STPG2: variants seen among roughly 807,000 people sequenced by gnomAD.
STPG2 encodes the protein sperm tail PG-rich repeat containing 2.
Under a neutral mutation model 54.2 loss-of-function variants are expected in STPG2, and 56 were observed. That is an observed-to-expected ratio of 1.03 (90% CI 0.83 to 1.29). STPG2 has a LOEUF of 1.29. STPG2 is among the 50% of genes most tolerant of loss of function. The pLI is 0.00. For missense variants in STPG2, 596 were observed against 544.9 expected (o/e 1.09, Z -0.93); for synonymous variants, 200 against 181.8 (o/e 1.10, Z -0.81).
At chr4:98,030,006 G>T (rs1190091477) in intron 5 of STPG2, among the ~76,000 whole-genome samples, 1 of 152,180 alleles carries the variant, frequency 6.6e-6, no homozygotes, top group African/African-American at 2.4e-5. Flanking sequence ...CCTTGGAGGG[G>T]ATATTTTGAC....
intron 6 of STPG2, among the ~76,000 whole-genome samples, chr4:97,975,981 G>A (rs894249864): frequency 3.3e-5 from 5 of 152,046 alleles, no homozygotes; most frequent in Non-Finnish European, 5.9e-5. Flanking sequence ...AGTGTCACTG[G>A]GTAGTACTAG....
chr4:97,652,178 A>T (rs2148954272), intron 10 of STPG2, among the ~76,000 whole-genome samples: 1 of 152,090 alleles, frequency 6.6e-6, no homozygotes, highest in South Asian at 2.1e-4. Context: ...GTTTATAAAA[A>T]ATATTTCTAT....
At chr4:97,892,615 C>T (rs900658899) in intron 8 of STPG2, among the ~76,000 whole-genome samples, 2 of 152,138 alleles carry the variant, frequency 1.3e-5, no homozygotes, top group Non-Finnish European at 2.9e-5. Context: ...CTTATAGTGA[C>T]CTTTTCCTCA....
intron 10 of STPG2, among the ~76,000 whole-genome samples, chr4:97,569,728 T>C (rs1578396579): frequency 6.6e-6 from 1 of 151,980 alleles, no homozygotes; most frequent in Non-Finnish European, 1.5e-5. Context: ...ATATTAAGGA[T>C]TGGAGTGGAT....
chr4:97,738,779 C>G (rs1210984511), intron 9 of STPG2, among the ~76,000 whole-genome samples: 1 of 152,100 alleles, frequency 6.6e-6, no homozygotes, highest in South Asian at 2.1e-4. Flanking sequence ...TTTAACACCC[C>G]ACTGTCAACA....
intron 8 of STPG2, among the ~76,000 whole-genome samples, chr4:97,904,904 AG>A (rs1731342899): frequency 6.6e-6 from 1 of 152,204 alleles, no homozygotes; most frequent in Admixed American, 6.5e-5. Context: ...GGAACTTTAG[AG>A]AAAAAGAATA....
intron 5 of STPG2, among the ~76,000 whole-genome samples, chr4:98,031,633 C>T (rs1354552202): frequency 1.3e-5 from 2 of 151,692 alleles, no homozygotes; most frequent in Admixed American, 6.6e-5. Context: ...TGCAGTGAGC[C>T]GAGATCATGC....
chr4:98,023,601 CTTTT>C (rs1194616490), intron 5 of STPG2, among the ~76,000 whole-genome samples: 1 of 152,200 alleles, frequency 6.6e-6, no homozygotes, highest in Non-Finnish European at 1.5e-5. Context: ...TTACTGCTGT[CTTTT>C]TGTTTGTCTG....
intron 4 of STPG2, among the ~76,000 whole-genome samples, chr4:97,534,713 T>C (rs1343873771): frequency 6.6e-6 from 1 of 152,184 alleles, no homozygotes; most frequent in Admixed American, 6.5e-5. Context: ...ATGTAACCAC[T>C]ACCAGAATGA....
At chr4:98,000,346 C>T (rs1735376458) in intron 5 of STPG2, among the ~76,000 whole-genome samples, 2 of 151,980 alleles carry the variant, frequency 1.3e-5, no homozygotes, top group Admixed American at 6.6e-5. Flanking sequence ...TTCTATCAAC[C>T]TAATTTTTGC....
intron 5 of STPG2, among the ~76,000 whole-genome samples, chr4:98,007,392 C>T (rs973492726): frequency 6.6e-6 from 1 of 152,130 alleles, no homozygotes; most frequent in Non-Finnish European, 1.5e-5. Flanking sequence ...CACCACCAAA[C>T]ATACCCAGAA....
intron 9 of STPG2, among the ~76,000 whole-genome samples, chr4:97,832,593 G>T (rs773714534): frequency 5.2e-4 from 79 of 151,972 alleles, no homozygotes; most frequent in Non-Finnish European, 5.9e-5. Flanking sequence ...TTTGCAGATG[G>T]CATGATTATT....
At chr4:97,445,012 G>C (rs1392965093) in intron 4 of STPG2, among the ~76,000 whole-genome samples, 1 of 152,080 alleles carries the variant, frequency 6.6e-6, no homozygotes, top group African/African-American at 2.4e-5. Flanking sequence ...ACTCCAGCCT[G>C]GGTGACAGAG....
At chr4:97,981,012 T>C (rs964487342) in intron 6 of STPG2, 147 bp downstream of exon 6, 9 of 691,990 alleles carry the variant, frequency 1.3e-5, no homozygotes, top group Admixed American at 9.0e-5. Context: ...GTTTAATGTA[T>C]AGTGAATGCT....
intron 10 of STPG2, among the ~76,000 whole-genome samples, chr4:97,703,902 C>G (rs1381566111): frequency 1.3e-5 from 2 of 151,042 alleles, no homozygotes; most frequent in Non-Finnish European, 2.9e-5. Context: ...AACTGAGGAG[C>G]AAGGAGAGCC....
At chr4:97,898,811 G>C (rs1288903720) in intron 8 of STPG2, among the ~76,000 whole-genome samples, 2 of 151,480 alleles carry the variant, frequency 1.3e-5, no homozygotes, top group Non-Finnish European at 1.5e-5. Context: ...AAAATGATGA[G>C]CAAAATTCGT....
intron 10 of STPG2, among the ~76,000 whole-genome samples, chr4:97,662,690 G>T (rs1722409239): frequency 6.6e-6 from 1 of 152,102 alleles, no homozygotes; most frequent in East Asian, 1.9e-4. Flanking sequence ...TGCAGGAACA[G>T]CAAACTAAAT....
intron 9 of STPG2, 146 bp downstream of exon 9, chr4:97,840,627 A>T (rs1728767890): frequency 1.2e-6 from 1 of 809,732 alleles, no homozygotes; most frequent in Non-Finnish European, 1.9e-6. Flanking sequence ...TTATTTTGTT[A>T]CAGCACTGAT....
At chr4:97,871,957 G>T (rs1392945889) in intron 8 of STPG2, among the ~76,000 whole-genome samples, 1 of 150,848 alleles carries the variant, frequency 6.6e-6, no homozygotes, top group Non-Finnish European at 1.5e-5. Context: ...AACAAATGGG[G>T]CTTATTCTAA....
Sources: allele counts gnomAD v4.1 joint callset (sites outside exome capture counted in the v4.1 genomes callset), GRCh38; gene constraint gnomAD v4.1.1; transcripts MANE v1.5; gene names NCBI Gene and HGNC (gene_info 2026-07-23, HGNC 2026-07-21).